AP4E1: variants seen among roughly 807,000 people sequenced by gnomAD.
The protein encoded by AP4E1 is AP-4 complex subunit epsilon-1.
A neutral mutation model predicts 128.2 loss-of-function variants in AP4E1; 56 were observed. The observed-to-expected ratio is 0.44, with a 90% CI of 0.35 to 0.55. The LOEUF is 0.55. Among genes scored for constraint, AP4E1 ranks in the 20% least tolerant of loss-of-function variants. The probability of loss-of-function intolerance (pLI) is 0.00; values close to 1 mark genes in which losing one functional copy is unlikely to be tolerated. For synonymous variants in AP4E1, 484 were observed against 473.1 expected (o/e 1.02, Z -0.30); for missense variants, 1,324 against 1,307.7 (o/e 1.01, Z -0.19).
intron 16 of AP4E1, among the ~76,000 whole-genome samples, chr15:50,986,626 A>G (rs1476157581): frequency 1.3e-5 from 2 of 152,246 alleles, no homozygotes; most frequent in African/African-American, 4.8e-5. Flanking sequence ...ATTTGTGTAT[A>G]TTGAACCAGC....
intron 13 of AP4E1, 46 bp from the exon 14 acceptor site, chr15:50,958,446 T>A: frequency 6.6e-7 from 1 of 1,515,992 alleles, no homozygotes; most frequent in Non-Finnish European, 9.1e-7. Context: ...TAGTCTACTG[T>A]ATAACTTGAT....
At chr15:50,937,991 T>C (rs1401936311) in intron 8 of AP4E1, among the ~76,000 whole-genome samples, 1 of 152,004 alleles carries the variant, frequency 6.6e-6, no homozygotes, top group Non-Finnish European at 1.5e-5. Flanking sequence ...TAAAATGGAG[T>C]ACAAGGGACA....
intron 10 of AP4E1, chr15:50,945,546 A>G (rs1016123726): frequency 1.4e-6 from 1 of 740,238 alleles, no homozygotes; most frequent in Admixed American, 1.9e-5. Context: ...CCACTGGGAA[A>G]GAGCTTGTGT....
intron 16 of AP4E1, among the ~76,000 whole-genome samples, chr15:50,990,519 G>A (rs923897246): frequency 1.3e-5 from 2 of 151,690 alleles, no homozygotes; most frequent in African/African-American, 2.4e-5. Flanking sequence ...ATTCAAAGCC[G>A]GGATTACAGA....
At chr15:50,934,566 C>G in intron 7 of AP4E1, 58 bp from the exon 8 acceptor site, 2 of 1,214,958 alleles carry the variant, frequency 1.6e-6, no homozygotes, top group Non-Finnish European at 2.4e-6. Context: ...GTTTGAAAAA[C>G]TGTTTTATTG....
intron 17 of AP4E1, among the ~76,000 whole-genome samples, chr15:50,994,683 C>T (rs927817196): frequency 6.6e-6 from 1 of 152,072 alleles, no homozygotes; most frequent in African/African-American, 2.4e-5. Context: ...AGGGTGGGTA[C>T]CAGTGGAATG....
At chr15:50,938,708 TGAGGCCACTCCCTCATAGTGTCACTG>T (rs2063942882) in intron 8 of AP4E1, among the ~76,000 whole-genome samples, 1 of 152,092 alleles carries the variant, frequency 6.6e-6, no homozygotes, top group Non-Finnish European at 1.5e-5. Context: ...TCAGCGATAA[TGAGGCCACTCCCTCATAGTGTCACTG>T]GAGGCCACAA....
rs115453920 is a variant in AP4E1 at position 50,944,212 on chromosome 15, A to G, written c.1176+2437A>G. On this transcript the variant is annotated intron_variant, in intron 10 of 20. Transcript: ENST00000261842. ...AATGCTGTTGTCACTTCTAACCTCTATCAAATGATACGGTGAGAACTTTGG... is the reference window on the plus strand; with the variant it reads ...AATGCTGTTGTCACTTCTAACCTCTGTCAAATGATACGGTGAGAACTTTGG... Among the ~76,000 whole-genome samples the G allele has an allele frequency of 1.2e-3, 190 of 152,300 alleles. 1 individual carries two copies. Among genetic ancestry groups the G allele is most frequent in the African/African-American group, 4.4e-3 (182 of 41,566 alleles).
intron 16 of AP4E1, among the ~76,000 whole-genome samples, chr15:50,986,802 T>G (rs1161479996): frequency 6.6e-6 from 1 of 152,206 alleles, no homozygotes; most frequent in Admixed American, 6.5e-5. Context: ...GGCTTTGGTA[T>G]CAGGATGATG....
chr15:50,936,180 A>G (rs2063906035), intron 8 of AP4E1, among the ~76,000 whole-genome samples: 1 of 152,198 alleles, frequency 6.6e-6, no homozygotes, highest in Non-Finnish European at 1.5e-5. Flanking sequence ...ATAAGGGGTC[A>G]CAGATGTGGA....
At chr15:50,999,322 C>T (rs116469162) in intron 19 of AP4E1, 60 bp downstream of exon 19, 6 of 1,443,914 alleles carry the variant, frequency 4.2e-6, no homozygotes, top group African/African-American at 1.4e-5. Context: ...TTTTAGACCT[C>T]TTCTCTGGAT....
chr15:50,976,135 T>C (rs1038278851), intron 15 of AP4E1, among the ~76,000 whole-genome samples: 7 of 151,998 alleles, frequency 4.6e-5, no homozygotes, highest in Non-Finnish European at 1.0e-4. Flanking sequence ...CCCTGATGAA[T>C]ATAGGCAAAA....
intron 6 of AP4E1, among the ~76,000 whole-genome samples, chr15:50,930,032 CTAAT>C (rs2063813339): frequency 6.7e-6 from 1 of 149,364 alleles, no homozygotes; most frequent in Non-Finnish European, 1.5e-5. Context: ...TACTGTGTGG[CTAAT>C]TAATTTTTAA....
At chr15:50,914,638 G>A (rs139035937) in intron 2 of AP4E1, among the ~76,000 whole-genome samples, 6,823 of 128,136 alleles carry the variant, frequency 0.053, 533 homozygotes, top group African/African-American at 0.19. Context: ...GTGACAGAGC[G>A]AGACTCTGTC....
In AP4E1 at chr15:50,924,044, T is replaced by G. The variant is rs192967080; in HGVS notation, c.420+40T>G. On this transcript the variant is annotated intron_variant, in intron 4 of 20. Transcript: ENST00000261842. ...GTTGGTTAATATGAAGTCATAATTC[T>G]TGTCAGCACCTGATATTTCTCCTCG... is the stretch of plus-strand genomic sequence containing the variant. 10 of 1,499,116 alleles carry G rather than the reference T, an allele frequency of 6.7e-6. No individual in the cohort carries two copies. In the East Asian group the frequency reaches 2.3e-4, roughly 34 times the overall value. The allele number at this position is 1,499,116 out of a possible 1,614,324, so 92.9% of individuals were successfully genotyped here. A position where few individuals can be genotyped will look rare whatever the true frequency, so the allele number is the denominator to read the frequency against.
At chr15:50,971,606 C>G (rs1304117773) in intron 15 of AP4E1, among the ~76,000 whole-genome samples, 1 of 152,090 alleles carries the variant, frequency 6.6e-6, no homozygotes, top group African/African-American at 2.4e-5. Context: ...TGGTGTCCCA[C>G]AAATCCTGTA....
intron 15 of AP4E1, among the ~76,000 whole-genome samples, chr15:50,978,825 A>T (rs921325593): frequency 6.6e-6 from 1 of 151,988 alleles, no homozygotes; most frequent in Admixed American, 6.6e-5. Flanking sequence ...CATGTAGTTA[A>T]CTCTCCAGCA....
At position 50,948,153 on chromosome 15, in the gene AP4E1, C is replaced by A; in HGVS notation, c.1310C>A (p.Ala437Asp). The change falls in exon 11 of 21, where the codon GCT becomes GAT. Residue 437 changes from alanine to aspartate, a missense_variant. By Grantham distance (126) the Ala-to-Asp change is moderately radical (BLOSUM62 -2). Transcript: ENST00000261842. The part of the protein sequence containing the change: ...VNLVGKIAEL[A>D]EKYAPDNAWF... Reference sequence around the variant, plus strand: ...TTGGTCGGCAAAATAGCAGAGCTGGCTGAGAAATATCCTTTTATTTCGACC... The same window carrying A: ...TTGGTCGGCAAAATAGCAGAGCTGGATGAGAAATATCCTTTTATTTCGACC... The A allele has an allele frequency of 6.2e-7, 1 of 1,613,786 alleles. No homozygotes were observed. The highest frequency in any genetic ancestry group is 8.5e-7 in the Non-Finnish European group (1 of 1,179,900).
chr15:50,931,986 T>G (rs369188622), intron 7 of AP4E1, among the ~76,000 whole-genome samples: 1 of 152,094 alleles, frequency 6.6e-6, no homozygotes, highest in Non-Finnish European at 1.5e-5. Context: ...TTGCCATTTT[T>G]TTTTTGTTTT....
Sources: allele counts gnomAD v4.1 joint callset (sites outside exome capture counted in the v4.1 genomes callset), GRCh38; gene constraint gnomAD v4.1.1; transcripts MANE v1.5; gene names NCBI Gene and HGNC (gene_info 2026-07-23, HGNC 2026-07-21).